The following CRPPA variants were observed in gnomAD, a reference collection of about 807,000 sequenced individuals.
CRPPA encodes CDP-L-ribitol pyrophosphorylase A, also known as D-ribitol-5-phosphate cytidylyltransferase.
CRPPA carries 43 observed loss-of-function variants against 52.0 expected under a neutral mutation model. That is an observed-to-expected ratio of 0.83 (90% CI 0.65 to 1.07). The LOEUF (loss-of-function observed/expected upper bound fraction) is 1.07. CRPPA is among the 50% of genes least tolerant of loss of function. The probability of loss-of-function intolerance (pLI) is 0.00; values close to 1 mark genes in which losing one functional copy is unlikely to be tolerated. For synonymous variants in CRPPA, 250 were observed against 203.5 expected, an observed-to-expected ratio of 1.23 and a Z score of -1.94; for missense variants, 629 against 551.7, an observed-to-expected ratio of 1.14 and a Z score of -1.40.
chr7:16,303,477 TAAAAAAAA>T (rs545663821), intron 4 of CRPPA, among the ~76,000 whole-genome samples: 4 of 44,976 alleles, frequency 8.9e-5, no homozygotes, highest in South Asian at 1.1e-3. Context: ...CATAAAATAG[TAAAAAAAA>T]AAAAAAAAAA....
At chr7:16,295,036 T>C (rs1368493803) in intron 5 of CRPPA, among the ~76,000 whole-genome samples, 1 of 152,136 alleles carries the variant, frequency 6.6e-6, no homozygotes, top group Non-Finnish European at 1.5e-5. Flanking sequence ...TTCCTAGTTC[T>C]CAGCAATTCT....
chr7:16,320,081 C>CA (rs1785226019), intron 3 of CRPPA, among the ~76,000 whole-genome samples: 1 of 152,120 alleles, frequency 6.6e-6, no homozygotes, highest in Non-Finnish European at 1.5e-5. Context: ...AGCTATTCTT[C>CA]ATTTGTCATT....
rs1562608492 is a variant in CRPPA at position 16,286,062 on chromosome 7, T to TTTAAAAAAAAAA, written c.836-7837_836-7836insTTTTTTTTTTAA. Among the ~76,000 whole-genome samples, 39 of 32,360 alleles carry TTTAAAAAAAAAA rather than the reference T, an allele frequency of 1.2e-3. 1 individual carries two copies. Among genetic ancestry groups the TTTAAAAAAAAAA allele is most frequent in the Non-Finnish European group, 1.4e-3 (27 of 18,878 alleles). The allele number at this position is 32,360 out of a possible 152,430, so 21.2% of individuals were successfully genotyped here. A position where few individuals can be genotyped will look rare whatever the true frequency, so the allele number is the denominator to read the frequency against. ...AAATATAAATATATATATATATATA[T>TTTAAAAAAAAAA]ATATATATATATATATATAATATTT... On this transcript the variant is annotated intron_variant, in intron 5 of 9. Transcript: ENST00000407010.
chr7:16,290,353 T>C (rs1164500880), intron 5 of CRPPA, among the ~76,000 whole-genome samples: 1 of 151,032 alleles, frequency 6.6e-6, no homozygotes, highest in Non-Finnish European at 1.5e-5. Context: ...AAAGCAATCC[T>C]GAAAAAAAAG....
At chr7:16,096,444 G>C in intron 9 of CRPPA, among the ~76,000 whole-genome samples, 2 of 151,972 alleles carry the variant, frequency 1.3e-5, no homozygotes, top group East Asian at 3.9e-4. Flanking sequence ...TTTCAACATA[G>C]AATCTATAAT....
chr7:16,378,549 T>G (rs1277157601), intron 2 of CRPPA, among the ~76,000 whole-genome samples: 1 of 152,048 alleles, frequency 6.6e-6, no homozygotes, highest in African/African-American at 2.4e-5. Context: ...TTTGCTATTG[T>G]GAATAGTGCC....
At chr7:16,321,018 G>T (rs1398602563) in intron 3 of CRPPA, among the ~76,000 whole-genome samples, 1 of 152,044 alleles carries the variant, frequency 6.6e-6, no homozygotes, top group African/African-American at 2.4e-5. Flanking sequence ...ATATTCACGA[G>T]AAGTTTTCAA....
At chr7:16,213,528 C>G (rs1199241558) in intron 9 of CRPPA, among the ~76,000 whole-genome samples, 1 of 151,946 alleles carries the variant, frequency 6.6e-6, no homozygotes, top group African/African-American at 2.4e-5. Context: ...GTGGGTGGAT[C>G]ACCTGAGATC....
intron 8 of CRPPA, among the ~76,000 whole-genome samples, chr7:16,223,056 C>G (rs897516528): frequency 2.0e-5 from 3 of 151,916 alleles, no homozygotes; most frequent in Non-Finnish European, 2.9e-5. Flanking sequence ...GTTTGAGAGG[C>G]TGAGGCAGGC....
intron 5 of CRPPA, among the ~76,000 whole-genome samples, chr7:16,290,126 A>G (rs914409904): frequency 6.6e-6 from 1 of 152,122 alleles, no homozygotes; most frequent in Non-Finnish European, 1.5e-5. Flanking sequence ...CAAAAACTAC[A>G]AAACGCTAAT....
Position 16,278,154 on chromosome 7 carries a change from T to G in CRPPA, c.908A>C (p.Glu303Ala). Residue 303 changes from glutamate (E) to alanine (A), a missense_variant, in exon 6 of 10, where the codon GAA becomes GCA. By Grantham distance (107) the Glu-to-Ala change is moderately radical (BLOSUM62 -1). Coordinates refer to ENST00000407010, the MANE Select transcript of CRPPA (RefSeq NM_001101426.4). The part of the protein sequence containing the change: ...EDNKHVGHLL[E>A]EVLKSELNHV... Reference sequence around the variant, plus strand: ...ATTTAATTCACTTTTCAGCACTTCTTCAAGAAGATGACCTACATGTTTGTT... The same window carrying G: ...ATTTAATTCACTTTTCAGCACTTCTGCAAGAAGATGACCTACATGTTTGTT... 6.4e-7 allele frequency: 1 copy of G among 1,571,138 alleles called. No individual in the cohort carries two copies. The highest frequency in any genetic ancestry group is 8.7e-7 in the Non-Finnish European group (1 of 1,148,070).
chr7:16,264,706 C>T (rs1783907052), intron 6 of CRPPA, among the ~76,000 whole-genome samples: 6 of 152,204 alleles, frequency 3.9e-5, no homozygotes, highest in Admixed American at 3.9e-4. Context: ...CAAACAATGG[C>T]ACAAGTGACT....
chr7:16,333,071 A>G (rs1255868494), intron 3 of CRPPA, among the ~76,000 whole-genome samples: 3 of 152,172 alleles, frequency 2.0e-5, no homozygotes, highest in Non-Finnish European at 4.4e-5. Context: ...AGAAGACATA[A>G]TAATCTTCAA....
At chr7:16,223,492 C>G (rs1281061000) in intron 8 of CRPPA, among the ~76,000 whole-genome samples, 1 of 152,136 alleles carries the variant, frequency 6.6e-6, no homozygotes, top group Admixed American at 6.5e-5. Context: ...AGATGCATCT[C>G]AAAATTCTCT....
At chr7:16,412,193 G>C (rs756634335) in intron 1 of CRPPA, among the ~76,000 whole-genome samples, 2 of 152,064 alleles carry the variant, frequency 1.3e-5, no homozygotes, top group Non-Finnish European at 2.9e-5. Flanking sequence ...ACAGAAAATG[G>C]CATTTTAAAC....
At chr7:16,339,838 C>T (rs908446666) in intron 3 of CRPPA, among the ~76,000 whole-genome samples, 4 of 152,062 alleles carry the variant, frequency 2.6e-5, no homozygotes, top group East Asian at 1.9e-4. Flanking sequence ...GAGACTGACA[C>T]TTCCAGACTT....
intron 9 of CRPPA, among the ~76,000 whole-genome samples, chr7:16,155,372 T>C (rs919087403): frequency 3.7e-4 from 56 of 152,188 alleles, no homozygotes; most frequent in African/African-American, 2.2e-4. Flanking sequence ...GTGGGTCTTA[T>C]TTGCAGTTAA....
rs1788339927 is a variant in CRPPA, at chr7:16,421,516, G to A, written c.-194C>T. Among the ~76,000 whole-genome samples, 1 of 152,204 alleles carries A rather than the reference G, an allele frequency of 6.6e-6. No individual in the cohort carries two copies. On this transcript the variant is annotated 5_prime_UTR_variant, in exon 1 of 10. Coordinates refer to ENST00000407010, the MANE Select transcript of CRPPA (RefSeq NM_001101426.4). The stretch of plus-strand genomic sequence containing the variant: ...GCAGGGGACGATCCCGACAGCTACG[G>A]CAGCAGCTGAGGCTGCCGATCTGCC...
In CRPPA at chr7:16,336,443, T is replaced by G. The variant is rs1442899673; in HGVS notation, c.685-27816A>C. Among the ~76,000 whole-genome samples, 10 of 151,954 alleles carry G rather than the reference T, an allele frequency of 6.6e-5. No homozygotes were observed. The East Asian group carries it at 1.7e-3, about 26-fold the overall frequency. ...AAGTAGGCCTAGTATAAAAATATTT[T>G]ATGTAAGCCTTATAACTACAAAGCC... On this transcript the variant is annotated intron_variant, in intron 3 of 9. Coordinates refer to ENST00000407010, the MANE Select transcript of CRPPA (RefSeq NM_001101426.4).
Sources: gnomAD v4.1 joint callset for allele counts (sites outside exome capture counted in the v4.1 genomes callset) on GRCh38, gnomAD v4.1.1 for gene constraint, MANE v1.5 for transcripts, NCBI Gene and HGNC (gene_info 2026-07-23, HGNC 2026-07-21) for gene names.